Variants in YWHAE observed in about 807,000 individuals in gnomAD.
YWHAE encodes tyrosine 3-monooxygenase/tryptophan 5-monooxygenase activation protein epsilon.
A neutral mutation model predicts 30.1 loss-of-function variants in YWHAE; 4 were observed. That is an observed-to-expected ratio of 0.13 (90% CI 0.07 to 0.30). The LOEUF (loss-of-function observed/expected upper bound fraction) is 0.30. YWHAE is among the 10% of genes least tolerant of loss of function. The pLI is 1.00. For missense variants in YWHAE, 121 were observed against 315.9 expected (o/e 0.38, Z 4.68); for synonymous variants, 118 against 111.8 (o/e 1.06, Z -0.35).
At chr17:1,364,355 T>C (rs961014102) in intron 2 of YWHAE, among the ~76,000 whole-genome samples, 1 of 151,748 alleles carries the variant, frequency 6.6e-6, no homozygotes, top group Non-Finnish European at 1.5e-5. Flanking sequence ...GCCTCCCGAG[T>C]AGCTGGGACC....
chr17:1,373,724 A>G (rs2073080795), intron 1 of YWHAE, among the ~76,000 whole-genome samples: 1 of 152,100 alleles, frequency 6.6e-6, no homozygotes, highest in African/African-American at 2.4e-5. Context: ...GTGAACAGAG[A>G]CAAGAAGTGA....
At position 1,382,347 on chromosome 17, in the gene YWHAE, C is replaced by CTTTT. The variant is rs546696128; in HGVS notation, c.65-17293_65-17290dup. 4.2e-5 allele frequency among the ~76,000 whole-genome samples: 5 copies of CTTTT among 119,314 alleles called. No homozygotes were observed. The South Asian group carries it at 1.1e-3, about 26-fold the overall frequency. The allele number at this position is 119,314 out of a possible 152,430, so 78.3% of individuals were successfully genotyped here. ...ACAGGCTTGAGCCACCGCGCCCGGC[C>CTTTT]TTTTTTTTTTTTTTGAGATGGAGTC... On this transcript the variant is annotated intron_variant, in intron 1 of 5. Coordinates refer to ENST00000264335, the MANE Select transcript of YWHAE (RefSeq NM_006761.5).
chr17:1,359,934 AG>A (rs1358749998), intron 4 of YWHAE, among the ~76,000 whole-genome samples: 12,580 of 25,468 alleles, frequency 0.49, 2,313 homozygotes, highest in African/African-American at 0.65. Context: ...GGAGGGGGGG[AG>A]GAGGGGGAGG....
chr17:1,376,932 T>C (rs1256282758), intron 1 of YWHAE, among the ~76,000 whole-genome samples: 1 of 151,484 alleles, frequency 6.6e-6, no homozygotes. Flanking sequence ...CCCTAACTTT[T>C]TTTTTTTTTT....
At chr17:1,363,864 G>C (rs1181767696) in intron 2 of YWHAE, among the ~76,000 whole-genome samples, 2 of 146,262 alleles carry the variant, frequency 1.4e-5, no homozygotes, top group Non-Finnish European at 3.0e-5. Flanking sequence ...TCTTCTACTA[G>C]AATCGGTTAC....
chr17:1,365,063 A>G lies in YWHAE; in HGVS notation c.65-5T>C. ...TCTTCATTGACTCCACCATTTCTGT[A>G]TGGGAAAAGGAAAAGTCAGACCTTA... On this transcript the variant is annotated splice_region_variant and splice_polypyrimidine_tract_variant and intron_variant, in intron 1 of 5. Coordinates refer to ENST00000264335, the MANE Select transcript of YWHAE (RefSeq NM_006761.5). 6.2e-7 allele frequency: 1 copy of G among 1,613,386 alleles called. No homozygotes were observed. Among genetic ancestry groups the G allele is most frequent in the Non-Finnish European group, 8.5e-7 (1 of 1,179,858 alleles).
intron 4 of YWHAE, among the ~76,000 whole-genome samples, chr17:1,357,958 C>G (rs1000650745): frequency 2.0e-5 from 3 of 151,424 alleles, no homozygotes; most frequent in African/African-American, 7.3e-5. Flanking sequence ...AAGACAATAG[C>G]AAAAAACAAC....
intron 4 of YWHAE, among the ~76,000 whole-genome samples, chr17:1,359,586 C>G (rs1307884713): frequency 6.6e-6 from 1 of 151,784 alleles, no homozygotes; most frequent in Non-Finnish European, 1.5e-5. Flanking sequence ...GAAATAAAGA[C>G]AGCCACAAAA....
intron 1 of YWHAE, among the ~76,000 whole-genome samples, chr17:1,391,019 A>C (rs1390322210): frequency 1.3e-5 from 2 of 152,142 alleles, no homozygotes. Context: ...TAAAAAAATA[A>C]AATGTATGTA....
chr17:1,383,389 CTTT>C (rs550620060), intron 1 of YWHAE, among the ~76,000 whole-genome samples: 4 of 137,822 alleles, frequency 2.9e-5, no homozygotes. Context: ...TACTGTTTAA[CTTT>C]TTTTTTTTTT....
At chr17:1,399,003 C>T (rs192664611) in intron 1 of YWHAE, 25 of 152,330 alleles carry the variant, frequency 1.6e-4, no homozygotes, top group African/African-American at 5.5e-4. Flanking sequence ...GAAGTACAGA[C>T]CAGCATTCCG....
At chr17:1,350,770 A>AAT (rs2072617042) in intron 5 of YWHAE, among the ~76,000 whole-genome samples, 3 of 151,500 alleles carry the variant, frequency 2.0e-5, no homozygotes, top group African/African-American at 7.3e-5. Flanking sequence ...ATAATAATAA[A>AAT]AAAAAATGGC....
rs142927506 is a variant in YWHAE at position 1,346,547 on chromosome 17, T to A, written c.716-1048A>T. On this transcript the variant is annotated intron_variant, in intron 5 of 5. Transcript: ENST00000264335. ...CACTGAGTACAGCTTTGAAACAGCC[T>A]AAATGATCTCAAAATGACAAATGTC... 7.2e-5 allele frequency among the ~76,000 whole-genome samples: 11 copies of A among 152,308 alleles called. No homozygotes were observed. The East Asian group carries it at 1.9e-3, about 27-fold the overall frequency.
chr17:1,349,507 A>G (rs1230777365), intron 5 of YWHAE, among the ~76,000 whole-genome samples: 1 of 152,242 alleles, frequency 6.6e-6, no homozygotes, highest in Non-Finnish European at 1.5e-5. Flanking sequence ...TTATATAAAT[A>G]AAAAGTATTT....
chr17:1,373,581 T>C (rs969278918), intron 1 of YWHAE, among the ~76,000 whole-genome samples: 4 of 151,638 alleles, frequency 2.6e-5, no homozygotes, highest in African/African-American at 9.7e-5. Flanking sequence ...GGCAGGAGAA[T>C]TGCGTGAACC....
chr17:1,371,225 G>C (rs1028532965), intron 1 of YWHAE, among the ~76,000 whole-genome samples: 3 of 152,072 alleles, frequency 2.0e-5, no homozygotes, highest in African/African-American at 7.2e-5. Flanking sequence ...TGGGACTACA[G>C]GTGTACGCCA....
intron 1 of YWHAE, among the ~76,000 whole-genome samples, chr17:1,377,955 A>G (rs545154344): frequency 6.6e-6 from 1 of 152,306 alleles, no homozygotes; most frequent in Non-Finnish European, 1.5e-5. Context: ...AGGCTGAGGC[A>G]GGAGAATTGC....
chr17:1,355,118 A>ACC (rs796338544), intron 4 of YWHAE, among the ~76,000 whole-genome samples: 86 of 6,624 alleles, frequency 0.013, no homozygotes, highest in African/African-American at 0.084. Context: ...AGATTTTTTA[A>ACC]AAAAAAAAAA....
intron 1 of YWHAE, among the ~76,000 whole-genome samples, chr17:1,392,618 G>A (rs932299097): frequency 1.3e-5 from 2 of 152,082 alleles, no homozygotes; most frequent in Non-Finnish European, 2.9e-5. Flanking sequence ...GGGAGGCTGA[G>A]GCAGGCGGAC....
Sources: allele counts gnomAD v4.1 joint callset (sites outside exome capture counted in the v4.1 genomes callset), GRCh38; gene constraint gnomAD v4.1.1; transcripts MANE v1.5; gene names NCBI Gene and HGNC (gene_info 2026-07-23, HGNC 2026-07-21).